Variants in EPS15L1 observed in about 807,000 individuals in gnomAD.
The protein encoded by EPS15L1 is epidermal growth factor receptor pathway substrate 15 like 1.
Under a neutral mutation model 117.1 loss-of-function variants are expected in EPS15L1, and 43 were observed. The observed-to-expected ratio is 0.37, with a 90% CI of 0.29 to 0.47. The LOEUF is 0.47. Among genes scored for constraint, EPS15L1 ranks in the 20% least tolerant of loss-of-function variants. The probability of loss-of-function intolerance (pLI) is 0.99; values close to 1 mark genes in which losing one functional copy is unlikely to be tolerated. For synonymous variants in EPS15L1, 459 were observed against 470.5 expected (o/e 0.98, Z 0.32); for missense variants, 981 against 1,164.0 (o/e 0.84, Z 2.29).
At chr19:16,415,542 CA>C (rs1315961883) in intron 12 of EPS15L1, among the ~76,000 whole-genome samples, 1 of 152,202 alleles carries the variant, frequency 6.6e-6, no homozygotes, top group Non-Finnish European at 1.5e-5. Context: ...ACTTACAATA[CA>C]AAGTGCTCTT....
intron 16 of EPS15L1, chr19:16,400,630 A>T: frequency 1.0e-6 from 1 of 985,232 alleles, no homozygotes; most frequent in Non-Finnish European, 1.2e-6. Flanking sequence ...CAAGCCAGAA[A>T]AATGCTTTAA....
intron 16 of EPS15L1, chr19:16,401,876 T>G: frequency 1.0e-6 from 1 of 989,072 alleles, no homozygotes; most frequent in Non-Finnish European, 1.2e-6. Flanking sequence ...GCAACACATT[T>G]GCTTTTCAAG....
intron 22 of EPS15L1, among the ~76,000 whole-genome samples, chr19:16,363,461 G>A (rs1458864490): frequency 6.6e-6 from 1 of 152,090 alleles, no homozygotes; most frequent in Admixed American, 6.6e-5. Flanking sequence ...GGCCAGCCTC[G>A]GTCCCTCTCC....
At position 16,371,695 on chromosome 19, in the gene EPS15L1, C is replaced by T. The variant is rs1167127567; in HGVS notation, c.2380+5427G>A. Among the ~76,000 whole-genome samples, 1 of 152,184 alleles carries T rather than the reference C, an allele frequency of 6.6e-6. No individual in the cohort carries two copies. Among genetic ancestry groups the T allele is most frequent in the Non-Finnish European group, 1.5e-5 (1 of 68,030 alleles). ...GAAGTGGCAAGGGTGGGGCCGGTCG[C>T]AGGATCCCACTATCGCAGCAGGGCT... On this transcript the variant is annotated intron_variant, in intron 22 of 23. Transcript: ENST00000455140. This position sits in a 1 kb window ranked among gnomAD's most constrained non-coding sequence, Gnocchi z 4.7.
chr19:16,431,199 A>G (rs1185450007), intron 7 of EPS15L1, among the ~76,000 whole-genome samples: 1 of 150,924 alleles, frequency 6.6e-6, no homozygotes, highest in Non-Finnish European at 1.5e-5. Context: ...AGATGGTGCC[A>G]GTGCACTCCA....
At chr19:16,386,831 C>T (rs1253932781) in intron 19 of EPS15L1, among the ~76,000 whole-genome samples, 1 of 152,240 alleles carries the variant, frequency 6.6e-6, no homozygotes, top group Non-Finnish European at 1.5e-5. Flanking sequence ...CTTCTGCCAT[C>T]TGCTGGTGAG....
At chr19:16,410,636 A>C (rs1002970870) in intron 13 of EPS15L1, among the ~76,000 whole-genome samples, 1 of 152,062 alleles carries the variant, frequency 6.6e-6, no homozygotes, top group Non-Finnish European at 1.5e-5. Context: ...GTGGCTTGGC[A>C]TGGTGGCTCA....
At chr19:16,420,887 G>A (rs893901939) in intron 10 of EPS15L1, among the ~76,000 whole-genome samples, 1 of 152,214 alleles carries the variant, frequency 6.6e-6, no homozygotes, top group Non-Finnish European at 1.5e-5. Context: ...CCAAAGCACT[G>A]GCCTTTCCAG....
rs140658070 is a variant in EPS15L1 at position 16,368,391 on chromosome 19, A to G, written c.2381-6407T>C. On this transcript the variant is annotated intron_variant, in intron 22 of 23. Transcript: ENST00000455140. ...AACAGGAGATGGCTACACAACTGTC[A>G]TTCATCCTGCACAATATGGACACTC... Among the ~76,000 whole-genome samples, 283 of 152,318 alleles carry G rather than the reference A, an allele frequency of 1.9e-3. 3 individuals are homozygous for G. The highest frequency in any genetic ancestry group is 0.014 in the East Asian group (72 of 5,186).
At chr19:16,395,560 G>C in intron 16 of EPS15L1, 93 bp from the exon 17 acceptor site, 1 of 1,277,940 alleles carries the variant, frequency 7.8e-7, no homozygotes, top group Non-Finnish European at 1.1e-6. Context: ...TTTCCACTTT[G>C]AGTAGCATGA....
chr19:16,389,098 A>T (rs552550892), intron 19 of EPS15L1, among the ~76,000 whole-genome samples: 2 of 152,142 alleles, frequency 1.3e-5, no homozygotes, highest in South Asian at 4.1e-4. Flanking sequence ...CATTAAAAAT[A>T]CAAAAATTAA....
At chr19:16,378,714 G>A (rs143865958) in intron 21 of EPS15L1, among the ~76,000 whole-genome samples, 4 of 152,312 alleles carry the variant, frequency 2.6e-5, no homozygotes, top group Middle Eastern at 3.4e-3. Context: ...AGGCACAGGG[G>A]AGCCAGGGTC....
chr19:16,394,514 C>T (rs2092518956), intron 17 of EPS15L1, among the ~76,000 whole-genome samples: 1 of 152,222 alleles, frequency 6.6e-6, no homozygotes, highest in South Asian at 2.1e-4. Context: ...CCTCTCCCCA[C>T]CTCAGTGTTT....
At chr19:16,408,164 G>A (rs2092674474) in intron 13 of EPS15L1, among the ~76,000 whole-genome samples, 1 of 152,160 alleles carries the variant, frequency 6.6e-6, no homozygotes, top group African/African-American at 2.4e-5. Flanking sequence ...AATGGAGAAG[G>A]AGCCATCAGA....
chr19:16,466,061 T>C (rs2093302632), intron 1 of EPS15L1, among the ~76,000 whole-genome samples: 1 of 150,334 alleles, frequency 6.7e-6, no homozygotes, highest in African/African-American at 2.5e-5. Context: ...CAATCTCGGC[T>C]CACTGCAACC....
chr19:16,364,157 C>T (rs1327305484), intron 22 of EPS15L1, among the ~76,000 whole-genome samples: 3 of 152,214 alleles, frequency 2.0e-5, no homozygotes, highest in African/African-American at 7.2e-5. Flanking sequence ...GAGGGGAGGT[C>T]GAGGCCTGGT....
intron 1 of EPS15L1, among the ~76,000 whole-genome samples, chr19:16,454,625 CA>C (rs926407456): frequency 7.2e-5 from 11 of 152,120 alleles, no homozygotes; most frequent in African/African-American, 2.2e-4. Flanking sequence ...GGCCTCCATC[CA>C]AACCAGACAG....
intron 10 of EPS15L1, 116 bp from the exon 11 acceptor site, chr19:16,418,220 G>GCCACCACGCCCT: frequency 8.3e-7 from 1 of 1,202,938 alleles, no homozygotes; most frequent in Non-Finnish European, 1.2e-6. Context: ...GGCAGGGCGT[G>GCCACCACGCCCT]GTGGCAAGCC....
intron 1 of EPS15L1, among the ~76,000 whole-genome samples, chr19:16,449,209 G>C (rs1427226240): frequency 2.0e-5 from 3 of 151,970 alleles, no homozygotes; most frequent in African/African-American, 7.3e-5. Context: ...AGGAGTTCAA[G>C]ACCAGCCTGG....
Sources: allele counts gnomAD v4.1 joint callset (sites outside exome capture counted in the v4.1 genomes callset), GRCh38; gene constraint gnomAD v4.1.1; non-coding constraint Gnocchi (gnomAD v3.1); transcripts MANE v1.5; gene names NCBI Gene and HGNC (gene_info 2026-07-23, HGNC 2026-07-21).